The following ELP1 variants were observed in gnomAD, a reference collection of about 807,000 sequenced individuals.
The protein encoded by ELP1 is elongator complex protein 1.
In ELP1, 131 loss-of-function variants were observed where a neutral mutation model predicts 183.2. The ratio of observed to expected loss-of-function variants is 0.72; its 90% CI spans 0.62 to 0.83. The LOEUF is 0.83. Among genes scored for constraint, ELP1 ranks in the 40% least tolerant of loss-of-function variants. ELP1 has a pLI of 0.00. For synonymous variants in ELP1, 555 were observed against 569.0 expected (o/e 0.98, Z 0.35); for missense variants, 1,550 against 1,594.9 (o/e 0.97, Z 0.48).
At chr9:108,889,254 C>G in intron 29 of ELP1, 78 bp downstream of exon 29, 1 of 1,306,016 alleles carries the variant, frequency 7.7e-7, no homozygotes, top group Non-Finnish European at 1.1e-6. Context: ...GTTCCTTTAA[C>G]TTTCATGATC....
At chr9:108,898,787 C>T (rs1828656458) in intron 20 of ELP1, 38 bp from the exon 21 acceptor site, 1 of 1,445,300 alleles carries the variant, frequency 6.9e-7, no homozygotes, top group Non-Finnish European at 9.7e-7. Context: ...AAGATATTCA[C>T]AAAAACTGAG....
At chr9:108,869,349 A>T (rs889362514) in intron 36 of ELP1, among the ~76,000 whole-genome samples, 167 bp from the exon 37 acceptor site, 1 of 152,140 alleles carries the variant, frequency 6.6e-6, no homozygotes. Context: ...GGTCAGAGCA[A>T]ACACAACCTG....
chr9:108,894,700 A>C (rs959502787), intron 25 of ELP1, among the ~76,000 whole-genome samples: 1 of 152,248 alleles, frequency 6.6e-6, no homozygotes, highest in Non-Finnish European at 1.5e-5. Context: ...TAAAAGTCTA[A>C]GACATTGCTC....
intron 3 of ELP1, 88 bp from the exon 4 acceptor site, chr9:108,927,541 AC>A (rs1357210837): frequency 1.1e-5 from 12 of 1,047,940 alleles, no homozygotes; most frequent in East Asian, 2.4e-5. Context: ...AATTAAAAAA[AC>A]AAAACGAAAA....
In ELP1 at chr9:108,919,340, C is replaced by T; in HGVS notation, c.562G>A (p.Ala188Thr). The T allele has an allele frequency of 6.2e-7, 1 of 1,612,358 alleles. No homozygotes were observed. Among genetic ancestry groups the T allele is most frequent in the Non-Finnish European group, 8.5e-7 (1 of 1,178,564 alleles). ...AAFQMQMHESALPWDDHRPQV... is the reference protein window; with the variant it reads ...AAFQMQMHESTLPWDDHRPQV... Reference sequence around the variant, plus strand: ...GGTCTATGGTCATCCCAGGGCAAAGCAGACTCATGCTAAAAAGGGGAACAA... The same window carrying T: ...GGTCTATGGTCATCCCAGGGCAAAGTAGACTCATGCTAAAAAGGGGAACAA... The change falls in exon 7 of 37, where the codon GCT becomes ACT. Residue 188 changes from alanine to threonine, a missense_variant. Ala to Thr is a moderately conservative substitution (Grantham distance 58). Coordinates refer to ENST00000374647, the MANE Select transcript of ELP1 (RefSeq NM_003640.5).
chr9:108,869,940 C>T (rs986501210), intron 36 of ELP1, among the ~76,000 whole-genome samples: 2 of 152,026 alleles, frequency 1.3e-5, no homozygotes, highest in African/African-American at 2.4e-5. Flanking sequence ...GTTATGGGTG[C>T]GGACCCCCCT....
At chr9:108,904,218 G>A (rs1326722990) in intron 14 of ELP1, among the ~76,000 whole-genome samples, 1 of 151,354 alleles carries the variant, frequency 6.6e-6, no homozygotes. Context: ...TTTTCCCTGA[G>A]TCAATGGAGC....
At position 108,916,197 on chromosome 9, in the gene ELP1, G is replaced by C. The variant is rs771601576; in HGVS notation, c.958+7C>G. The C allele has an allele frequency of 6.2e-7, 1 of 1,609,792 alleles. No individual in the cohort carries two copies. Among genetic ancestry groups the C allele is most frequent in the Non-Finnish European group, 8.5e-7 (1 of 1,176,048 alleles). ...GGCAGAAGGCTGGGGTACTACAGCT[G>C]TCTTACCACAGGTTTTCGGAATGGA... On this transcript the variant is annotated splice_region_variant and intron_variant, in intron 10 of 36. Coordinates refer to ENST00000374647, the MANE Select transcript of ELP1 (RefSeq NM_003640.5).
In ELP1 at chr9:108,893,061, G is replaced by A; in HGVS notation, c.2883C>T (p.Cys961=). 1 of 1,613,564 alleles carries A rather than the reference G, an allele frequency of 6.2e-7. No homozygotes were observed. The highest frequency in any genetic ancestry group is 2.2e-5 in the East Asian group (1 of 44,864). ...AGTTTTTATCTTTTATCAAGTTTAA[G>A]CATTCTGGGAAGTACTCAGGTCCTG... The part of the protein sequence containing the change: ...SKCGPEYFPE[C]LNLIKDKNLY... The change falls in exon 27 of 37, where the codon TGC becomes TGT. Residue 961 remains cysteine, a synonymous_variant. Transcript: ENST00000374647.
intron 3 of ELP1, among the ~76,000 whole-genome samples, chr9:108,929,263 A>G (rs188972293): frequency 2.0e-5 from 3 of 152,370 alleles, no homozygotes; most frequent in African/African-American, 4.8e-5. Flanking sequence ...ACTATACACT[A>G]AAGTAGAGAA....
chr9:108,913,720 T>G (rs890226620), intron 10 of ELP1, among the ~76,000 whole-genome samples: 7 of 152,132 alleles, frequency 4.6e-5, no homozygotes, highest in African/African-American at 7.2e-5. Context: ...CAATCTCGGC[T>G]CACGGCAACC....
At chr9:108,870,077 G>A (rs1213522326) in intron 36 of ELP1, among the ~76,000 whole-genome samples, 1 of 152,050 alleles carries the variant, frequency 6.6e-6, no homozygotes, top group African/African-American at 2.4e-5. Context: ...CTGGGTTCAA[G>A]CGATTCTCCT....
intron 19 of ELP1, 96 bp downstream of exon 19, chr9:108,900,164 G>A: frequency 1.1e-6 from 1 of 922,582 alleles, no homozygotes; most frequent in Non-Finnish European, 1.8e-6. Context: ...ACGATACAAA[G>A]AATAAGAAAG....
At position 108,886,549 on chromosome 9, in the gene ELP1, T is replaced by A. The variant is rs1587879724; in HGVS notation, c.3222+2783A>T. ...AGAAAATCAATCACCTAGTCCCCCA[T>A]ATCACTCGTCTAAAAACAAAACCCT... On this transcript the variant is annotated intron_variant, in intron 29 of 36. Transcript: ENST00000374647. Among the ~76,000 whole-genome samples, 3 of 152,178 alleles carry A rather than the reference T, an allele frequency of 2.0e-5. No homozygotes were observed. In the East Asian group the frequency reaches 5.8e-4, roughly 29 times the overall value.
chr9:108,921,585 C>CAA lies in ELP1; in HGVS notation c.552+1255_552+1256dup, dbSNP rs11369159. On this transcript the variant is annotated intron_variant, in intron 6 of 36. Transcript: ENST00000374647. ...GTCAAGGATACCTTTTAAGTCCTGC[C>CAA]AAAAAAAAAAAAAATCACTTAAAAA... 7.3e-4 allele frequency among the ~76,000 whole-genome samples: 100 copies of CAA among 137,762 alleles called. 1 individual carries two copies. Among genetic ancestry groups the CAA allele is most frequent in the African/African-American group, 2.1e-3 (77 of 37,436 alleles). The allele number at this position is 137,762 out of a possible 152,430, so 90.4% of individuals were successfully genotyped here. A position where few individuals can be genotyped will look rare whatever the true frequency, so the allele number is the denominator to read the frequency against.
chr9:108,906,156 G>C, intron 14 of ELP1, 147 bp downstream of exon 14: 1 of 752,396 alleles, frequency 1.3e-6, no homozygotes. Context: ...CTCATAACTA[G>C]ACTTAACCTT....
At chr9:108,914,413 AGGG>A (rs762220846) in intron 10 of ELP1, among the ~76,000 whole-genome samples, 9 of 89,160 alleles carry the variant, frequency 1.0e-4, no homozygotes, top group South Asian at 4.5e-4. Flanking sequence ...AAAAAAAAAA[AGGG>A]GGGGGGGGTT....
intron 10 of ELP1, 99 bp downstream of exon 10, chr9:108,916,105 A>C (rs1371523048): frequency 1.1e-6 from 1 of 914,412 alleles, no homozygotes; most frequent in African/African-American, 1.6e-5. Flanking sequence ...CTTTGATTCT[A>C]CTAAGGGACT....
In ELP1 at chr9:108,893,023, G is replaced by C. The variant is rs774504340; in HGVS notation, c.2921C>G (p.Ala974Gly). ...LIKDKNLYNE[A>G]LKLYSPSSQQ... ...TGAGCTTGGTGAATATAACTTCAGA[G>C]CTTCGTTATACAAGTTTTTATCTTT... is the stretch of plus-strand genomic sequence containing the variant. The change falls in exon 27 of 37, where the codon GCT (alanine) becomes GGT (glycine). Residue 974 changes from alanine (A) to glycine (G), a missense_variant. Transcript: ENST00000374647. 6.2e-7 allele frequency: 1 copy of C among 1,613,644 alleles called. No homozygotes were observed. The highest frequency in any genetic ancestry group is 1.1e-5 in the South Asian group (1 of 91,070).
Sources: gnomAD v4.1 joint callset for allele counts (sites outside exome capture counted in the v4.1 genomes callset) on GRCh38, gnomAD v4.1.1 for gene constraint, MANE v1.5 for transcripts, NCBI Gene and HGNC (gene_info 2026-07-23, HGNC 2026-07-21) for gene names.